B3GALT1: variants seen among roughly 807,000 people sequenced by gnomAD.
The protein encoded by B3GALT1 is UDP-Gal:betaGlcNAc beta 1,3-galactosyltransferase, polypeptide 1.
B3GALT1 carries 10 observed loss-of-function variants against 23.2 expected under a neutral mutation model. The ratio of observed to expected loss-of-function variants is 0.43; its 90% confidence interval spans 0.27 to 0.73. The LOEUF (loss-of-function observed/expected upper bound fraction) is 0.73. Ranked by LOEUF, B3GALT1 falls within the 30% of genes least tolerant of loss-of-function variation. B3GALT1 has a pLI of 0.21. For missense variants in B3GALT1, 299 were observed against 405.4 expected (o/e 0.74, Z 2.25); for synonymous variants, 156 against 141.5 (o/e 1.10, Z -0.73).
At chr2:167,448,427 A>G (rs201437418) in intron 1 of B3GALT1, among the ~76,000 whole-genome samples, 2 of 151,982 alleles carry the variant, frequency 1.3e-5, no homozygotes, top group East Asian at 1.9e-4. Context: ...AGAATTATCT[A>G]TTAATGTCCT....
chr2:167,588,791 A>G (rs1460637895), intron 2 of B3GALT1, among the ~76,000 whole-genome samples: 1 of 151,644 alleles, frequency 6.6e-6, no homozygotes, highest in Non-Finnish European at 1.5e-5. Context: ...ATATATATAT[A>G]TAATTCTTTT....
chr2:167,663,457 G>T (rs1411415161), intron 3 of B3GALT1, among the ~76,000 whole-genome samples: 1 of 151,826 alleles, frequency 6.6e-6, no homozygotes, highest in Non-Finnish European at 1.5e-5. Flanking sequence ...ACGATTTATA[G>T]TCCTTTGGGT....
chr2:167,741,579 C>T (rs1231915799), intron 3 of B3GALT1, among the ~76,000 whole-genome samples: 1 of 152,132 alleles, frequency 6.6e-6, no homozygotes. Context: ...TATCACCATG[C>T]ATGCCAATTC....
chr2:167,695,959 G>A (rs1052281588), intron 3 of B3GALT1, among the ~76,000 whole-genome samples: 5 of 152,020 alleles, frequency 3.3e-5, no homozygotes, highest in Non-Finnish European at 7.4e-5. Flanking sequence ...TCTTTTTTAA[G>A]AAGTTATACA....
chr2:167,601,893 AAATAATTG>A (rs1684884492), intron 2 of B3GALT1, among the ~76,000 whole-genome samples: 2 of 152,216 alleles, frequency 1.3e-5, no homozygotes, highest in Non-Finnish European at 2.9e-5. Flanking sequence ...AAATATCTGT[AAATAATTG>A]AATACTTAAT....
chr2:167,449,296 G>A (rs1296601239), intron 1 of B3GALT1, among the ~76,000 whole-genome samples: 1 of 152,008 alleles, frequency 6.6e-6, no homozygotes, highest in African/African-American at 2.4e-5. Flanking sequence ...CCTTATAGAG[G>A]TCCTTCACTT....
At position 167,869,021 on chromosome 2, in the gene B3GALT1, T is replaced by C. The variant is rs1329687997; in HGVS notation, c.-19T>C. 3.8e-6 allele frequency: 6 copies of C among 1,571,254 alleles called. No individual in the cohort carries two copies. The highest frequency in any genetic ancestry group is 5.2e-6 in the Non-Finnish European group (6 of 1,159,946). On this transcript the variant is annotated 5_prime_UTR_variant, in exon 5 of 5. An upstream open reading frame in the 5' UTR loses its in-frame stop. Coordinates refer to ENST00000392690, the MANE Select transcript of B3GALT1 (RefSeq NM_020981.4). The surrounding 1 kb of genome is among the most constrained non-coding windows in gnomAD (Gnocchi z 6.4). ...GAGGCGTATTCTTCAATATTTGGAA[T>C]AGACGTGTTCTCAAGACAATGGCTT...
At chr2:167,476,831 A>G (rs1393741687) in intron 1 of B3GALT1, among the ~76,000 whole-genome samples, 4 of 152,200 alleles carry the variant, frequency 2.6e-5, no homozygotes, top group East Asian at 1.9e-4. Flanking sequence ...TAAGGGGGAG[A>G]CAGCAAAGAA....
intron 3 of B3GALT1, among the ~76,000 whole-genome samples, chr2:167,798,856 C>T (rs994068438): frequency 4.6e-5 from 7 of 152,260 alleles, no homozygotes; most frequent in African/African-American, 9.6e-5. Flanking sequence ...AATATGCCAT[C>T]GTTATACCAC....
chr2:167,701,452 A>G (rs1686881020), intron 3 of B3GALT1, among the ~76,000 whole-genome samples: 1 of 152,148 alleles, frequency 6.6e-6, no homozygotes, highest in African/African-American at 2.4e-5. Context: ...TCTTTAAGAA[A>G]ATGATCTGCA....
At chr2:167,442,001 G>C (rs181982968) in intron 1 of B3GALT1, among the ~76,000 whole-genome samples, 2,638 of 151,710 alleles carry the variant, frequency 0.017, 74 homozygotes, top group African/African-American at 0.06. Flanking sequence ...CTAGCATTAG[G>C]TATATCTCCC....
chr2:167,712,717 A>C (rs919962713), intron 3 of B3GALT1, among the ~76,000 whole-genome samples: 1 of 152,000 alleles, frequency 6.6e-6, no homozygotes, highest in Admixed American at 6.6e-5. Context: ...CTTCTTCCAG[A>C]TCCTACTGTG....
intron 2 of B3GALT1, among the ~76,000 whole-genome samples, chr2:167,525,488 T>C (rs992288754): frequency 2.0e-5 from 3 of 152,280 alleles, no homozygotes; most frequent in Admixed American, 6.5e-5. Context: ...CTCTCACTTA[T>C]ATATTTATTC....
chr2:167,838,351 A>G (rs1344877250), intron 4 of B3GALT1, among the ~76,000 whole-genome samples: 1 of 152,274 alleles, frequency 6.6e-6, no homozygotes, highest in Non-Finnish European at 1.5e-5. Context: ...GGATATCACC[A>G]CCGATCCCAC....
intron 4 of B3GALT1, among the ~76,000 whole-genome samples, chr2:167,824,761 A>G (rs1689179362): frequency 6.6e-6 from 1 of 152,230 alleles, no homozygotes; most frequent in Non-Finnish European, 1.5e-5. Context: ...GAATGGCTCC[A>G]GGTCTTTCCG....
intron 4 of B3GALT1, among the ~76,000 whole-genome samples, chr2:167,854,173 T>C (rs184444647): frequency 5.6e-4 from 86 of 152,280 alleles, no homozygotes; most frequent in African/African-American, 1.9e-3. Context: ...AAGTTTATGA[T>C]TTACCTCACA....
intron 3 of B3GALT1, among the ~76,000 whole-genome samples, chr2:167,754,682 T>G (rs1687789391): frequency 6.6e-6 from 1 of 151,970 alleles, no homozygotes; most frequent in African/African-American, 2.4e-5. Flanking sequence ...CCACATCAAG[T>G]CCACATCTTA....
intron 2 of B3GALT1, among the ~76,000 whole-genome samples, chr2:167,566,163 A>C (rs1269053153): frequency 6.6e-6 from 1 of 152,226 alleles, no homozygotes; most frequent in Non-Finnish European, 1.5e-5. Context: ...ATGGAATACT[A>C]TGCAGCCATA....
In B3GALT1 at chr2:167,763,690, G is replaced by GAAAA. The variant is rs35567239; in HGVS notation, c.-351-54964_-351-54961dup. ...TGAGTGTCAGAGCAAGACTCTGTCA[G>GAAAA]AAAAAAAAAAAAAAAAAAAAACCTC... is the stretch of plus-strand genomic sequence containing the variant. On this transcript the variant is annotated intron_variant, in intron 3 of 4. Transcript: ENST00000392690. Among the ~76,000 whole-genome samples, 30 of 81,850 alleles carry GAAAA rather than the reference G, an allele frequency of 3.7e-4. 2 individuals are homozygous for GAAAA. The highest frequency in any genetic ancestry group is 7.6e-4 in the East Asian group (2 of 2,626). The allele number at this position is 81,850 out of a possible 152,430, so 53.7% of individuals were successfully genotyped here. A position where few individuals can be genotyped will look rare whatever the true frequency, so the allele number is the denominator to read the frequency against.
Sources: allele counts gnomAD v4.1 joint callset (sites outside exome capture counted in the v4.1 genomes callset), GRCh38; gene constraint gnomAD v4.1.1; non-coding constraint Gnocchi (gnomAD v3.1); transcripts MANE v1.5; gene names NCBI Gene and HGNC (gene_info 2026-07-23, HGNC 2026-07-21).